Variants in CELF4 observed in about 807,000 individuals in gnomAD.
CELF4 encodes the protein CUG-BP- and ETR-3-like factor 4.
Under a neutral mutation model 59.9 loss-of-function variants are expected in CELF4, and 18 were observed. That is an observed-to-expected ratio of 0.30 (90% CI 0.21 to 0.45). The LOEUF is 0.45. Among genes scored for constraint, CELF4 ranks in the 20% least tolerant of loss-of-function variants. The probability of loss-of-function intolerance (pLI) is 1.00; values close to 1 mark genes in which losing one functional copy is unlikely to be tolerated. For synonymous variants in CELF4, 261 were observed against 267.1 expected (o/e 0.98, Z 0.22); for missense variants, 456 against 689.0 (o/e 0.66, Z 3.79).
In CELF4 at chr18:37,255,872, G is replaced by A. The variant is rs149509880; in HGVS notation, c.1334-1934C>T. Among the ~76,000 whole-genome samples the A allele has an allele frequency of 2.5e-3, 375 of 152,306 alleles. 1 individual carries two copies. The highest frequency in any genetic ancestry group is 8.6e-3 in the African/African-American group (359 of 41,556). On this transcript the variant is annotated intron_variant, in intron 11 of 12. Transcript: ENST00000420428. The stretch of plus-strand genomic sequence containing the variant: ...TGGAGGAGCTGTCTAGGGCACAGGC[G>A]TAGCGGCAGGCAGAACCACTGTGTG...
chr18:37,441,622 G>C lies in CELF4; in HGVS notation c.369+43903C>G, dbSNP rs890702953. ...GGTGGCAGCCAGGGACTATTATCTT[G>C]AGTCAGACCATCTGCTTTGTGGTCA... On this transcript the variant is annotated intron_variant, in intron 2 of 12. Coordinates refer to ENST00000420428, the MANE Select transcript of CELF4 (RefSeq NM_020180.4). Among the ~76,000 whole-genome samples, 3 of 152,096 alleles carry C rather than the reference G, an allele frequency of 2.0e-5. No homozygotes were observed. In the East Asian group the frequency reaches 5.8e-4, roughly 29 times the overall value.
At chr18:37,487,415 G>C (rs539096870) in intron 1 of CELF4, among the ~76,000 whole-genome samples, 2 of 152,268 alleles carry the variant, frequency 1.3e-5, no homozygotes, top group South Asian at 4.2e-4. Context: ...CCTCAGGCTT[G>C]GAGAAGCTTC....
At chr18:37,340,273 C>T (rs2097951869) in intron 2 of CELF4, among the ~76,000 whole-genome samples, 1 of 152,258 alleles carries the variant, frequency 6.6e-6, no homozygotes, top group Non-Finnish European at 1.5e-5. Flanking sequence ...GTTAGTGGCT[C>T]TCCGAGCTCT....
intron 2 of CELF4, among the ~76,000 whole-genome samples, chr18:37,449,642 TA>T (rs550090500): frequency 1.1e-3 from 160 of 152,184 alleles, no homozygotes; most frequent in African/African-American, 3.7e-3. Flanking sequence ...ACAGAAACAG[TA>T]AAGCAGAGTA....
At chr18:37,424,701 G>T (rs2099600843) in intron 2 of CELF4, among the ~76,000 whole-genome samples, 2 of 152,116 alleles carry the variant, frequency 1.3e-5, no homozygotes, top group South Asian at 4.1e-4. Context: ...TTCCCTGCAG[G>T]TTCCCCAGCT....
chr18:37,443,811 C>A (rs2099740238), intron 2 of CELF4, among the ~76,000 whole-genome samples: 2 of 152,196 alleles, frequency 1.3e-5, no homozygotes. Context: ...GCGCATAATT[C>A]ATCCGCCCTC....
chr18:37,394,510 A>G (rs1050883788), intron 2 of CELF4, among the ~76,000 whole-genome samples: 2 of 152,176 alleles, frequency 1.3e-5, no homozygotes, highest in African/African-American at 2.4e-5. Context: ...CGGCTCCCCC[A>G]AAGTGAGGCC....
chr18:37,557,149 G>A (rs558627913), intron 1 of CELF4, among the ~76,000 whole-genome samples: 9 of 152,334 alleles, frequency 5.9e-5, no homozygotes, highest in African/African-American at 2.2e-4. Flanking sequence ...AAGTTAAGAG[G>A]TGTGGGCAGC....
In CELF4 at chr18:37,243,467, AAT is replaced by A. The variant is rs901754469; in HGVS notation, c.*1773_*1774del. Reference sequence around the variant, plus strand: ...TTATAATAAATATGTTATACTTTAAAATATATGTGTTCTTAAATAATTCAGTG... The same window carrying A: ...TTATAATAAATATGTTATACTTTAAAATATGTGTTCTTAAATAATTCAGTG... On this transcript the variant is annotated 3_prime_UTR_variant, in exon 13 of 13. Coordinates refer to ENST00000420428, the MANE Select transcript of CELF4 (RefSeq NM_020180.4). 2.0e-5 allele frequency: 3 copies of A among 152,298 alleles called. No homozygotes were observed. The highest frequency in any genetic ancestry group is 1.3e-4 in the Admixed American group (2 of 15,302). 9.4% of individuals were successfully genotyped at this position (152,298 alleles called of 1,614,324 possible).
chr18:37,437,040 G>T (rs1228867828), intron 2 of CELF4, among the ~76,000 whole-genome samples: 4 of 152,160 alleles, frequency 2.6e-5, no homozygotes, highest in African/African-American at 7.2e-5. Context: ...CCCCTCCCCA[G>T]CCAGAATGGA....
At chr18:37,350,080 T>G (rs1414793390) in intron 2 of CELF4, among the ~76,000 whole-genome samples, 2 of 152,042 alleles carry the variant, frequency 1.3e-5, no homozygotes, top group Non-Finnish European at 2.9e-5. Flanking sequence ...GAGAGGGACA[T>G]GCCTGGGACA....
rs576912477 is a variant in CELF4 at position 37,524,909 on chromosome 18, C to A, written c.287-39302G>T. 9.9e-5 allele frequency among the ~76,000 whole-genome samples: 15 copies of A among 152,260 alleles called. No individual in the cohort carries two copies. The East Asian group carries it at 2.5e-3, about 26-fold the overall frequency. On this transcript the variant is annotated intron_variant, in intron 1 of 12. Coordinates refer to ENST00000420428, the MANE Select transcript of CELF4 (RefSeq NM_020180.4). ...GCGCGGGGGTCGCGGCGGCTGCGCC[C>A]CAGTCCCGAGCTCGGTTTCCCGCTT...
intron 2 of CELF4, among the ~76,000 whole-genome samples, chr18:37,404,973 C>G (rs947317294): frequency 6.6e-6 from 1 of 152,130 alleles, no homozygotes; most frequent in East Asian, 1.9e-4. Context: ...ACAAACATTC[C>G]TTGTAAAAAA....
chr18:37,554,591 C>A (rs1480909877), intron 1 of CELF4, among the ~76,000 whole-genome samples: 8 of 152,198 alleles, frequency 5.3e-5, no homozygotes, highest in Non-Finnish European at 1.2e-4. Flanking sequence ...GGGGCCTGGA[C>A]TCTAAGGCAG....
At chr18:37,336,938 G>C (rs57206136) in intron 2 of CELF4, among the ~76,000 whole-genome samples, 1 of 151,968 alleles carries the variant, frequency 6.6e-6, no homozygotes, top group African/African-American at 2.4e-5. Context: ...ACCCGGACCC[G>C]AGGCTTCGGC....
intron 3 of CELF4, among the ~76,000 whole-genome samples, chr18:37,290,079 C>T (rs2095228665): frequency 6.6e-6 from 1 of 152,072 alleles, no homozygotes; most frequent in Admixed American, 6.5e-5. Flanking sequence ...GGGCTTGATG[C>T]TGGGGAATTA....
intron 2 of CELF4, among the ~76,000 whole-genome samples, chr18:37,468,306 C>A (rs1366594993): frequency 6.6e-6 from 1 of 152,140 alleles, no homozygotes; most frequent in Non-Finnish European, 1.5e-5. Context: ...GTAATAATTC[C>A]ACTCCCATTG....
intron 1 of CELF4, among the ~76,000 whole-genome samples, chr18:37,506,880 G>A (rs529167919): frequency 1.2e-4 from 18 of 152,270 alleles, no homozygotes; most frequent in South Asian, 2.1e-4. Flanking sequence ...TCCATCCTCC[G>A]TCTCATCTGC....
At chr18:37,276,464 G>C (rs979452418) in intron 3 of CELF4, 1 of 152,220 alleles carries the variant, frequency 6.6e-6, no homozygotes, top group Non-Finnish European at 1.5e-5. Context: ...CTGTTTTGTG[G>C]GGTGGGGGGT....
Sources: gnomAD v4.1 joint callset for allele counts (sites outside exome capture counted in the v4.1 genomes callset) on GRCh38, gnomAD v4.1.1 for gene constraint, MANE v1.5 for transcripts, NCBI Gene and HGNC (gene_info 2026-07-23, HGNC 2026-07-21) for gene names.